ACOXL: variants seen among roughly 807,000 people sequenced by gnomAD.
ACOXL encodes acyl-CoA oxidase like, also known as acyl-coenzyme A oxidase-like protein.
Under a neutral mutation model 71.9 loss-of-function variants are expected in ACOXL, and 70 were observed. The ratio of observed to expected loss-of-function variants is 0.97; its 90% CI spans 0.80 to 1.19. The LOEUF is 1.19. Among genes scored for constraint, ACOXL ranks in the 50% most tolerant of loss-of-function variants. ACOXL has a pLI of 0.00. For synonymous variants in ACOXL, 253 were observed against 281.6 expected, an observed-to-expected ratio of 0.90 and a Z score of 1.02; for missense variants, 703 against 736.3, an observed-to-expected ratio of 0.95 and a Z score of 0.52.
At chr2:110,943,247 AAAAAG>A (rs2060959127) in intron 12 of ACOXL, among the ~76,000 whole-genome samples, 1 of 150,464 alleles carries the variant, frequency 6.6e-6, no homozygotes, top group Non-Finnish European at 1.5e-5. Context: ...AAAGAGAAAG[AAAAAG>A]AAAAGAAAGG....
At chr2:110,755,365 A>G (rs1033693949) in intron 1 of ACOXL, among the ~76,000 whole-genome samples, 2 of 152,228 alleles carry the variant, frequency 1.3e-5, no homozygotes, top group African/African-American at 4.8e-5. Flanking sequence ...AGCTGAGAAC[A>G]TGTCAAAAAA....
In ACOXL at chr2:110,784,886, A is replaced by G; in HGVS notation, c.159+71A>G. ...TGCATGCCAAGGAATGAAAACTATAACCCCGTGAGCTCTCTCAGTCTATGT... is the reference window on the plus strand; with the variant it reads ...TGCATGCCAAGGAATGAAAACTATAGCCCCGTGAGCTCTCTCAGTCTATGT... On this transcript the variant is annotated intron_variant, in intron 3 of 17. Coordinates refer to ENST00000439055, the MANE Select transcript of ACOXL (RefSeq NM_001142807.4). 3 of 1,421,650 alleles carry G rather than the reference A, an allele frequency of 2.1e-6. No homozygotes were observed. The South Asian group carries it at 3.9e-5, about 19-fold the overall frequency. 88.1% of individuals were successfully genotyped at this position (1,421,650 alleles called of 1,614,324 possible).
At chr2:110,875,401 A>G (rs72832883) in intron 10 of ACOXL, among the ~76,000 whole-genome samples, 3,624 of 152,296 alleles carry the variant, frequency 0.024, 69 homozygotes, top group South Asian at 0.047. Flanking sequence ...AAGCCACACA[A>G]TTCTAAGACT....
intron 12 of ACOXL, among the ~76,000 whole-genome samples, chr2:110,964,347 G>C (rs1377703007): frequency 6.6e-6 from 1 of 152,198 alleles, no homozygotes; most frequent in Non-Finnish European, 1.5e-5. Flanking sequence ...TATAAATCAT[G>C]CTCTGGCCAC....
intron 16 of ACOXL, among the ~76,000 whole-genome samples, chr2:111,065,760 C>T (rs1488477626): frequency 1.3e-5 from 2 of 152,178 alleles, no homozygotes; most frequent in African/African-American, 4.8e-5. Flanking sequence ...CATGAAAAGA[C>T]ATTCAACATC....
At chr2:110,787,376 T>TA (rs1684095191) in intron 3 of ACOXL, among the ~76,000 whole-genome samples, 1 of 151,336 alleles carries the variant, frequency 6.6e-6, no homozygotes. Flanking sequence ...CCACTAAAAA[T>TA]ACAAAAAATT....
intron 10 of ACOXL, among the ~76,000 whole-genome samples, chr2:110,853,431 G>A (rs933081464): frequency 6.6e-6 from 1 of 152,224 alleles, no homozygotes; most frequent in South Asian, 2.1e-4. Flanking sequence ...CAGGTATCAT[G>A]TGCTCAGTTG....
At chr2:110,749,129 T>A (rs1268126869) in intron 1 of ACOXL, among the ~76,000 whole-genome samples, 1 of 152,178 alleles carries the variant, frequency 6.6e-6, no homozygotes, top group Non-Finnish European at 1.5e-5. Flanking sequence ...GCATTCAAAT[T>A]TGGTATCTGA....
At chr2:110,747,659 A>G (rs959724792) in intron 1 of ACOXL, among the ~76,000 whole-genome samples, 1 of 152,170 alleles carries the variant, frequency 6.6e-6, no homozygotes, top group African/African-American at 2.4e-5. Context: ...TGGGCAGTGG[A>G]GTGACCTACC....
intron 15 of ACOXL, among the ~76,000 whole-genome samples, chr2:111,046,184 G>A (rs1284198170): frequency 4.6e-5 from 7 of 152,190 alleles, no homozygotes; most frequent in African/African-American, 9.6e-5. Context: ...TGCCAGCACC[G>A]TTTCTTTACA....
chr2:110,769,675 CA>C (rs1259350348), intron 2 of ACOXL, among the ~76,000 whole-genome samples: 2 of 151,580 alleles, frequency 1.3e-5, no homozygotes, highest in Non-Finnish European at 2.9e-5. Flanking sequence ...CAAAACAAAA[CA>C]AAACAAAAAT....
intron 16 of ACOXL, among the ~76,000 whole-genome samples, chr2:111,091,921 A>G (rs2068545796): frequency 6.6e-6 from 1 of 152,206 alleles, no homozygotes; most frequent in African/African-American, 2.4e-5. Context: ...TGTGAACCAC[A>G]TGACTTCTGA....
chr2:110,826,473 C>A (rs1198983382), intron 9 of ACOXL, among the ~76,000 whole-genome samples: 1 of 152,304 alleles, frequency 6.6e-6, no homozygotes, highest in African/African-American at 2.4e-5. Flanking sequence ...GCACTTGGCA[C>A]CATGTTTGAC....
intron 13 of ACOXL, among the ~76,000 whole-genome samples, chr2:110,992,566 C>T (rs376411295): frequency 2.0e-5 from 3 of 152,174 alleles, no homozygotes; most frequent in South Asian, 2.1e-4. Flanking sequence ...CCCATTTGTC[C>T]GCACAGTAAC....
intron 10 of ACOXL, among the ~76,000 whole-genome samples, chr2:110,858,769 A>G (rs1329780389): frequency 6.6e-6 from 1 of 152,248 alleles, no homozygotes; most frequent in Admixed American, 6.5e-5. Flanking sequence ...TTTCTTTAAA[A>G]TATCACGGTG....
intron 2 of ACOXL, among the ~76,000 whole-genome samples, chr2:110,770,680 C>A (rs1279916535): frequency 3.3e-5 from 5 of 152,180 alleles, no homozygotes; most frequent in Non-Finnish European, 5.9e-5. Context: ...AGAAAAAAAA[C>A]ACAAAAACAA....
At chr2:111,073,861 T>G (rs140716835) in intron 16 of ACOXL, among the ~76,000 whole-genome samples, 2 of 152,210 alleles carry the variant, frequency 1.3e-5, no homozygotes, top group African/African-American at 4.8e-5. Context: ...AATTAACAAA[T>G]GTACTATGTT....
intron 10 of ACOXL, among the ~76,000 whole-genome samples, chr2:110,904,838 T>C (rs1287661902): frequency 6.6e-6 from 1 of 152,172 alleles, no homozygotes; most frequent in Non-Finnish European, 1.5e-5. Flanking sequence ...ATAGGATCTG[T>C]CTGTCCTGAG....
chr2:111,050,960 G>A (rs76881661), intron 16 of ACOXL, among the ~76,000 whole-genome samples: 203 of 152,320 alleles, frequency 1.3e-3, no homozygotes, highest in African/African-American at 4.5e-3. Flanking sequence ...AACAGATTGG[G>A]GTTGGGAGAG....
Sources: gnomAD v4.1 joint callset for allele counts (sites outside exome capture counted in the v4.1 genomes callset) on GRCh38, gnomAD v4.1.1 for gene constraint, MANE v1.5 for transcripts, NCBI Gene and HGNC (gene_info 2026-07-23, HGNC 2026-07-21) for gene names.